Variants in CSF1R observed in about 807,000 individuals in gnomAD.
The protein encoded by CSF1R is macrophage colony-stimulating factor 1 receptor.
In CSF1R, 40 loss-of-function variants were observed where a neutral mutation model predicts 110.0. That is an observed-to-expected ratio of 0.36 (90% CI 0.28 to 0.47). The LOEUF is 0.47. CSF1R is among the 20% of genes least tolerant of loss of function. The pLI, the probability that CSF1R is intolerant of heterozygous loss-of-function variation, is 0.99. For missense variants in CSF1R, 1,052 were observed against 1,253.0 expected, an observed-to-expected ratio of 0.84 and a Z score of 2.42; for synonymous variants, 523 against 503.4, an observed-to-expected ratio of 1.04 and a Z score of -0.52.
At chr5:150,057,666 C>T (rs1414575417) in intron 14 of CSF1R, 74 bp from the exon 15 acceptor site, 6 of 1,088,568 alleles carry the variant, frequency 5.5e-6, no homozygotes, top group African/African-American at 4.6e-5. Flanking sequence ...CCTTGACCAC[C>T]CACCACCCCA....
In CSF1R at chr5:150,073,291, T is replaced by C. The variant is rs1399508793; in HGVS notation, c.1082+10A>G. ...GTCGGGCTGTGTAGACGGGAGCTGA[T>C]AAGTGGTACCTGTATGTGTCCTTGG... On this transcript the variant is annotated intron_variant, in intron 6 of 20. Transcript: ENST00000675795. The C allele has an allele frequency of 5.6e-6, 9 of 1,608,614 alleles. No individual in the cohort carries two copies. Among genetic ancestry groups the C allele is most frequent in the Non-Finnish European group, 7.7e-6 (9 of 1,176,316 alleles).
At chr5:150,078,370 A>C in intron 3 of CSF1R, 122 bp from the exon 4 acceptor site, 5 of 1,267,552 alleles carry the variant, frequency 3.9e-6, no homozygotes, top group Non-Finnish European at 5.4e-6. Flanking sequence ...CCCATCCCAA[A>C]TCCTGGGAGG....
At chr5:150,107,097 C>CAATG (rs1034787502) in intron 1 of CSF1R, among the ~76,000 whole-genome samples, 1 of 152,156 alleles carries the variant, frequency 6.6e-6, no homozygotes, top group Non-Finnish European at 1.5e-5. Context: ...ATAAACAATC[C>CAATG]AATGAATGAA....
intron 12 of CSF1R, 54 bp downstream of exon 12, chr5:150,061,437 A>AC: frequency 3.5e-6 from 1 of 285,844 alleles, no homozygotes; most frequent in Non-Finnish European, 6.2e-6. Flanking sequence ...GGGCCAGCCC[A>AC]CCCCCAGCAT....
At chr5:150,112,103 C>A (rs1220726053) in intron 1 of CSF1R, among the ~76,000 whole-genome samples, 2 of 149,028 alleles carry the variant, frequency 1.3e-5, no homozygotes, top group African/African-American at 5.1e-5. Flanking sequence ...TGTTACCCAC[C>A]CGTTTCTGGC....
At position 150,086,444 on chromosome 5, in the gene CSF1R, T is replaced by G; in HGVS notation, c.-17A>C. ...TGGGCCCATGGCCTCGGTGGGGAAG[T>G]GGCAGGCAGGTGCAGGGCTGCAAGG... is the stretch of plus-strand genomic sequence containing the variant. On this transcript the variant is annotated 5_prime_UTR_variant, in exon 1 of 21. Transcript: ENST00000675795. 2.5e-6 allele frequency: 4 copies of G among 1,605,754 alleles called. No individual in the cohort carries two copies. Among genetic ancestry groups the G allele is most frequent in the Non-Finnish European group, 3.4e-6 (4 of 1,176,420 alleles).
rs775629759 is a variant in CSF1R, at chr5:150,070,476, G to A, written c.1178C>T (p.Thr393Met). The change falls in exon 7 of 21, where the codon ACG becomes ATG. Residue 393 changes from threonine (T) to methionine (M), a missense_variant. Physicochemically the swap from Thr to Met is moderately conservative, Grantham distance 81. Coordinates refer to ENST00000675795, the MANE Select transcript of CSF1R (RefSeq NM_001288705.3). ...CTCACATCGAAGGGTGAGCTCAAAC[G>A]TCAGAGCTCTCCAGCCTCCTGGGTT... ...ARNPGGWRAL[T>M]FELTLRYPPE... The A allele has an allele frequency of 3.1e-5, 48 of 1,560,444 alleles. No individual in the cohort carries two copies. In the African/African-American group the frequency reaches 4.9e-4, roughly 16 times the overall value.
At chr5:150,054,942 A>G in intron 19 of CSF1R, 2 of 344,722 alleles carry the variant, frequency 5.8e-6, no homozygotes, top group Non-Finnish European at 1.1e-5. Flanking sequence ...GTGAGCTATG[A>G]TTGCACACAT....
chr5:150,070,182 C>G lies in CSF1R; in HGVS notation c.1319G>C (p.Arg440Thr). The G allele has an allele frequency of 6.2e-7, 1 of 1,613,676 alleles. No individual in the cohort carries two copies. Among genetic ancestry groups the G allele is most frequent in the Non-Finnish European group, 8.5e-7 (1 of 1,179,778 alleles). The part of the protein sequence containing the change: ...TWLQCSGHTD[R>T]CDEAQVLQVW... ...AGGGAGGTGAGTGGAGCCCACTTAC[C>G]TATCAGTGTGGCCACTGCACTGCAG... Residue 440 changes from arginine (R) to threonine (T), a missense_variant and splice_region_variant, in exon 8 of 21, where the codon AGG becomes ACG. Arg to Thr is a moderately conservative substitution (Grantham distance 71). Coordinates refer to ENST00000675795, the MANE Select transcript of CSF1R (RefSeq NM_001288705.3).
chr5:150,091,888 G>C (rs907924881), intron 1 of CSF1R, among the ~76,000 whole-genome samples: 1 of 143,060 alleles, frequency 7.0e-6, no homozygotes, highest in Admixed American at 7.1e-5. Flanking sequence ...AATCCTAAGG[G>C]AAGTTCTTTA....
At chr5:150,057,158 C>T in intron 16 of CSF1R, 129 bp downstream of exon 16, 1 of 726,072 alleles carries the variant, frequency 1.4e-6, no homozygotes. Context: ...GCCCAAATGA[C>T]TCTCTCATAC....
At chr5:150,073,528 T>C (rs764133773) in intron 5 of CSF1R, 35 bp from the exon 6 acceptor site, 1 of 1,592,550 alleles carries the variant, frequency 6.3e-7, no homozygotes, top group South Asian at 1.1e-5. Context: ...CTGGCATTAG[T>C]GGGAAGATGT....
At chr5:150,087,553 T>G (rs1758890413), upstream of CSF1R, among the ~76,000 whole-genome samples, 1 of 152,226 alleles carries the variant, frequency 6.6e-6, no homozygotes. Context: ...CTATCTTTTG[T>G]GCGTTACTTA....
At position 150,057,390 on chromosome 5, in the gene CSF1R, G is replaced by A; in HGVS notation, c.2222-6C>T. 1 of 1,613,850 alleles carries A rather than the reference G, an allele frequency of 6.2e-7. No individual in the cohort carries two copies. The highest frequency in any genetic ancestry group is 8.5e-7 in the Non-Finnish European group (1 of 1,179,782). On this transcript the variant is annotated splice_region_variant and splice_polypyrimidine_tract_variant and intron_variant, in intron 15 of 20. Transcript: ENST00000675795. ...TCCATCCTCCTTGTCCAGGTCTAGG[G>A]TGGGAAGAGGCGTCAGGGCAGCCCT...
intron 1 of CSF1R, among the ~76,000 whole-genome samples, chr5:150,103,245 G>A (rs185600440): frequency 2.2e-3 from 334 of 152,306 alleles, no homozygotes; most frequent in Middle Eastern, 0.01. Flanking sequence ...GCCCCTTGGC[G>A]CATTTCTGAC....
At chr5:150,067,842 T>G (rs1014232927) in intron 10 of CSF1R, among the ~76,000 whole-genome samples, 9 of 152,180 alleles carry the variant, frequency 5.9e-5, no homozygotes, top group African/African-American at 2.2e-4. Flanking sequence ...TAATCCATGC[T>G]CTTGCTTTCA....
intron 14 of CSF1R, among the ~76,000 whole-genome samples, 185 bp from the exon 15 acceptor site, chr5:150,057,777 C>CA (rs1259860868): frequency 6.6e-6 from 1 of 152,218 alleles, no homozygotes; most frequent in Non-Finnish European, 1.5e-5. Flanking sequence ...AGGGAGCTTA[C>CA]AACCCATTCT....
intron 1 of CSF1R, among the ~76,000 whole-genome samples, chr5:150,082,456 A>C (rs1291438781): frequency 1.3e-5 from 2 of 152,250 alleles, no homozygotes; most frequent in Non-Finnish European, 2.9e-5. Context: ...AGATTGAGTG[A>C]ATTGTGAATA....
At chr5:150,100,610 T>C (rs1759376729) in intron 1 of CSF1R, among the ~76,000 whole-genome samples, 1 of 152,150 alleles carries the variant, frequency 6.6e-6, no homozygotes, top group Non-Finnish European at 1.5e-5. Flanking sequence ...ACAGGAAATC[T>C]CATACACTGC....
Sources: allele counts gnomAD v4.1 joint callset (sites outside exome capture counted in the v4.1 genomes callset), GRCh38; gene constraint gnomAD v4.1.1; transcripts MANE v1.5; gene names NCBI Gene and HGNC (gene_info 2026-07-23, HGNC 2026-07-21).